The following FANCC variants were observed in gnomAD, a reference collection of about 807,000 sequenced individuals.
The protein encoded by FANCC is Fanconi anemia group C protein.
FANCC carries 55 observed loss-of-function variants against 71.3 expected under a neutral mutation model. The ratio of observed to expected loss-of-function variants is 0.77; its 90% CI spans 0.62 to 0.97. The LOEUF is 0.97. Among genes scored for constraint, FANCC ranks in the 50% least tolerant of loss-of-function variants. FANCC has a pLI of 0.00. For synonymous variants in FANCC, 275 were observed against 244.9 expected (o/e 1.12, Z -1.15); for missense variants, 678 against 670.9 (o/e 1.01, Z -0.12).
At chr9:95,226,997 T>G (rs1426537735) in intron 4 of FANCC, among the ~76,000 whole-genome samples, 2 of 152,144 alleles carry the variant, frequency 1.3e-5, no homozygotes, top group African/African-American at 2.4e-5. Flanking sequence ...CTGTGGAGAC[T>G]GCAGTGCAGC....
chr9:95,199,698 C>T (rs944037391), intron 4 of FANCC, among the ~76,000 whole-genome samples: 2 of 152,208 alleles, frequency 1.3e-5, no homozygotes, highest in African/African-American at 2.4e-5. Context: ...CCACCAGAGG[C>T]TCCTGGTTTC....
chr9:95,229,794 CACACACACACAT>C (rs952461484), intron 4 of FANCC, among the ~76,000 whole-genome samples: 15 of 151,594 alleles, frequency 9.9e-5, no homozygotes, highest in African/African-American at 3.4e-4. Flanking sequence ...CACACACACA[CACACACACACAT>C]TGTAATTCTT....
chr9:95,255,362 C>A (rs937483398), intron 1 of FANCC, among the ~76,000 whole-genome samples: 8 of 152,164 alleles, frequency 5.3e-5, no homozygotes, highest in Admixed American at 4.6e-4. Context: ...GAGGAAGGAT[C>A]AGGCAGCAAT....
At chr9:95,304,036 G>C (rs1834921193) in intron 1 of FANCC, among the ~76,000 whole-genome samples, 1 of 152,176 alleles carries the variant, frequency 6.6e-6, no homozygotes, top group African/African-American at 2.4e-5. Context: ...CAGGAAGGTA[G>C]AAGGAAATTA....
chr9:95,175,281 A>G (rs1825942469), intron 4 of FANCC, among the ~76,000 whole-genome samples: 1 of 150,850 alleles, frequency 6.6e-6, no homozygotes, highest in African/African-American at 2.4e-5. Context: ...ACTACTCAGT[A>G]GAAGACGTTC....
At chr9:95,269,728 CTA>C (rs1832610810) in intron 1 of FANCC, among the ~76,000 whole-genome samples, 2 of 151,984 alleles carry the variant, frequency 1.3e-5, no homozygotes, top group African/African-American at 2.4e-5. Context: ...CGTAGTTTTG[CTA>C]TGTTTTATTG....
chr9:95,201,695 C>A (rs2135808020), intron 4 of FANCC, among the ~76,000 whole-genome samples: 1 of 152,326 alleles, frequency 6.6e-6, no homozygotes, highest in African/African-American at 2.4e-5. Context: ...ACAATTATTT[C>A]TTAACTAATC....
intron 1 of FANCC, among the ~76,000 whole-genome samples, chr9:95,311,136 CAGG>C (rs1835371691): frequency 6.8e-6 from 1 of 147,996 alleles, no homozygotes; most frequent in African/African-American, 2.5e-5. Flanking sequence ...CCCAGCTACT[CAGG>C]AGGAGAATGG....
At chr9:95,232,508 G>A (rs1222225452) in intron 4 of FANCC, among the ~76,000 whole-genome samples, 5 of 152,146 alleles carry the variant, frequency 3.3e-5, no homozygotes. Flanking sequence ...GAAACTGAAA[G>A]TACTTTATTA....
chr9:95,181,519 A>G (rs1240528433), intron 4 of FANCC, among the ~76,000 whole-genome samples: 1 of 152,224 alleles, frequency 6.6e-6, no homozygotes, highest in African/African-American at 2.4e-5. Context: ...AAATTCCTAT[A>G]GTCATATAAT....
intron 6 of FANCC, among the ~76,000 whole-genome samples, chr9:95,152,023 A>G (rs1167979264): frequency 6.6e-6 from 1 of 151,994 alleles, no homozygotes; most frequent in East Asian, 1.9e-4. Context: ...CAATTATATC[A>G]TTATTTGTTT....
intron 10 of FANCC, among the ~76,000 whole-genome samples, chr9:95,118,788 TA>T (rs2072640360): frequency 4.6e-5 from 7 of 152,242 alleles, no homozygotes; most frequent in Admixed American, 3.9e-4. Flanking sequence ...ATTGTATGAA[TA>T]TGCCATAGTC....
intron 2 of FANCC, 25 bp downstream of exon 2, chr9:95,249,102 T>A: frequency 6.2e-7 from 1 of 1,610,840 alleles, no homozygotes; most frequent in Non-Finnish European, 8.5e-7. Context: ...AGAAAATAAT[T>A]TCATTATTCT....
intron 5 of FANCC, 49 bp from the exon 6 acceptor site, chr9:95,171,192 A>G (rs1825657546): frequency 1.4e-6 from 2 of 1,386,990 alleles, no homozygotes; most frequent in Middle Eastern, 3.5e-4. Context: ...AAACAGGATT[A>G]CATCAGTTCT....
At chr9:95,131,905 A>G (rs570868366) in intron 8 of FANCC, among the ~76,000 whole-genome samples, 1 of 152,218 alleles carries the variant, frequency 6.6e-6, no homozygotes, top group Non-Finnish European at 1.5e-5. Context: ...ATGAGGGAAA[A>G]AAACACAACC....
intron 4 of FANCC, among the ~76,000 whole-genome samples, chr9:95,219,168 T>C (rs548016806): frequency 6.6e-6 from 1 of 152,258 alleles, no homozygotes; most frequent in Admixed American, 6.5e-5. Flanking sequence ...GCAAGTTCTG[T>C]AGTGCATGAA....
intron 12 of FANCC, 107 bp from the exon 13 acceptor site, chr9:95,111,744 T>C (rs773522470): frequency 3.9e-6 from 5 of 1,289,998 alleles, no homozygotes; most frequent in South Asian, 3.6e-5. Context: ...ATTGTACTTA[T>C]CCACTGAAGT....
At chr9:95,175,841 A>T (rs1052242778) in intron 4 of FANCC, among the ~76,000 whole-genome samples, 3 of 152,228 alleles carry the variant, frequency 2.0e-5, no homozygotes, top group African/African-American at 7.2e-5. Flanking sequence ...CTGGCCAGCC[A>T]TATGTCAAAT....
At chr9:95,119,316 T>C (rs1265598795) in intron 10 of FANCC, among the ~76,000 whole-genome samples, 3 of 152,074 alleles carry the variant, frequency 2.0e-5, no homozygotes, top group Non-Finnish European at 4.4e-5. Context: ...TTACAAATAT[T>C]TTCTCCTAGC....
Sources: gnomAD v4.1 joint callset for allele counts (sites outside exome capture counted in the v4.1 genomes callset) on GRCh38, gnomAD v4.1.1 for gene constraint, MANE v1.5 for transcripts, NCBI Gene and HGNC (gene_info 2026-07-23, HGNC 2026-07-21) for gene names.